ASPG: variants seen among roughly 807,000 people sequenced by gnomAD.
ASPG encodes asparaginase, also known as 60 kDa lysophospholipase.
In ASPG, 53 loss-of-function variants were observed where a neutral mutation model predicts 63.2. That is an observed-to-expected ratio of 0.84 (90% CI 0.67 to 1.05). The LOEUF (loss-of-function observed/expected upper bound fraction) is 1.05, where lower values mean the gene tolerates loss of function less well. Ranked by LOEUF, ASPG falls within the 50% of genes least tolerant of loss-of-function variation. The pLI is 0.00. For synonymous variants in ASPG, 370 were observed against 355.0 expected (o/e 1.04, Z -0.48); for missense variants, 741 against 794.4 (o/e 0.93, Z 0.81).
chr14:104,093,752 A>T (rs1596069877), intron 3 of ASPG, 150 bp downstream of exon 3: 5 of 53,396 alleles, frequency 9.4e-5, no homozygotes, highest in East Asian at 4.0e-4. Context: ...GGGAATGGGG[A>T]GTGTGGGTGG....
At chr14:104,106,718 G>T (rs1233745866) in intron 10 of ASPG, 81 bp from the exon 11 acceptor site, 11 of 1,268,192 alleles carry the variant, frequency 8.7e-6, no homozygotes, top group South Asian at 5.3e-5. Flanking sequence ...GCTGGCAGGG[G>T]TCATACAGCA....
intron 6 of ASPG, among the ~76,000 whole-genome samples, chr14:104,102,625 A>G (rs1330069498): frequency 2.0e-5 from 3 of 152,182 alleles, no homozygotes; most frequent in East Asian, 3.9e-4. Context: ...GGAGGCTGCC[A>G]TGAGTGTGGA....
Position 104,104,465 on chromosome 14 carries a change from C to T in ASPG, c.915C>T (p.Thr305=). ...NCTHCLQGAV[T]TDYAAGMAMA... ...CCCACTGCCTCCAGGGGGCTGTGAC[C>T]ACAGACTATGCAGCTGGCATGGTAG... The change falls in exon 8 of 16, where the codon ACC becomes ACT. Residue 305 remains threonine (T), a synonymous_variant. Coordinates refer to ENST00000551177, the MANE Select transcript of ASPG (RefSeq NM_001080464.3). 1 of 1,612,416 alleles carries T rather than the reference C, an allele frequency of 6.2e-7. No individual in the cohort carries two copies.
intron 13 of ASPG, chr14:104,111,279 A>G (rs752197025): frequency 1.4e-5 from 12 of 850,692 alleles, no homozygotes; most frequent in Non-Finnish European, 1.6e-5. Context: ...ATGTTTGCGC[A>G]TGTGTACCCG....
At chr14:104,092,283 C>T (rs1477564350) in intron 1 of ASPG, among the ~76,000 whole-genome samples, 3 of 152,142 alleles carry the variant, frequency 2.0e-5, no homozygotes, top group African/African-American at 7.2e-5. Context: ...AAGGCTGAGC[C>T]CCGTGGGCCT....
At chr14:104,103,450 C>T in intron 6 of ASPG, 113 bp from the exon 7 acceptor site, 1 of 922,738 alleles carries the variant, frequency 1.1e-6, no homozygotes, top group Non-Finnish European at 1.6e-6. Context: ...CGCGAAGGCT[C>T]AGGGCTCTGA....
In ASPG at chr14:104,091,094, GACCTCA is replaced by G. The variant is rs1209313987; in HGVS notation, c.83-1537_83-1532del. Among the ~76,000 whole-genome samples the G allele has an allele frequency of 6.6e-6, 1 of 151,862 alleles. No individual in the cohort carries two copies. Among genetic ancestry groups the G allele is most frequent in the Non-Finnish European group, 1.5e-5 (1 of 68,018 alleles). On this transcript the variant is annotated intron_variant, in intron 1 of 15. Coordinates refer to ENST00000551177, the MANE Select transcript of ASPG (RefSeq NM_001080464.3). This position sits in a 1 kb window ranked among gnomAD's most constrained non-coding sequence, Gnocchi z 6.4. The stretch of plus-strand genomic sequence containing the variant: ...TTGACCAGGCTGGTCTTGAATTCCA[GACCTCA>G]AGCAATCTGACACCTCGGCCACCCA...
chr14:104,112,423 C>G, intron 15 of ASPG, 101 bp from the exon 16 acceptor site: 1 of 770,410 alleles, frequency 1.3e-6, no homozygotes, highest in Non-Finnish European at 2.3e-6. Context: ...TTTGCTCAGG[C>G]TCTTGGGCTG....
Position 104,111,943 on chromosome 14 carries a change from A to G in ASPG, c.1644A>G (p.Ala548=). ...LHVAEAAGNL[A]VVAFLQSLEG... ...AGGCAGAGGCAGCCGGGAACCTGGC[A>G]GTGGTGGCCTTTCTACAGAGCCTGG... The change falls in exon 15 of 16, where the codon GCA becomes GCG. Residue 548 remains alanine, a synonymous_variant. Coordinates refer to ENST00000551177, the MANE Select transcript of ASPG (RefSeq NM_001080464.3). 1 of 1,556,914 alleles carries G rather than the reference A, an allele frequency of 6.4e-7. No homozygotes were observed. The highest frequency in any genetic ancestry group is 8.7e-7 in the Non-Finnish European group (1 of 1,150,040).
At position 104,110,127 on chromosome 14, in the gene ASPG, A is replaced by G; in HGVS notation, c.1520+812A>G. ...GACGACTCCGAGGGACCCAAAAAGG[A>G]GAGTCGGAGGCAGGAGACCTGGGCC... is the stretch of plus-strand genomic sequence containing the variant. On this transcript the variant is annotated intron_variant, in intron 13 of 15. Coordinates refer to ENST00000551177, the MANE Select transcript of ASPG (RefSeq NM_001080464.3). This position sits in a 1 kb window ranked among gnomAD's most constrained non-coding sequence, Gnocchi z 4.7. 1 of 985,098 alleles carries G rather than the reference A, an allele frequency of 1.0e-6. No individual in the cohort carries two copies. The highest frequency in any genetic ancestry group is 1.2e-6 in the Non-Finnish European group (1 of 829,858). The allele number at this position is 985,098 out of a possible 1,614,324, so 61.0% of individuals were successfully genotyped here.
chr14:104,097,723 C>T, intron 5 of ASPG, 86 bp downstream of exon 5: 1 of 1,299,748 alleles, frequency 7.7e-7, no homozygotes, highest in East Asian at 2.5e-5. Flanking sequence ...TCCCCCCAGC[C>T]CCTCCCCAGA....
rs2037334708 is a variant in ASPG at position 104,110,378 on chromosome 14, G to A, written c.1520+1063G>A. 11 of 985,386 alleles carry A rather than the reference G, an allele frequency of 1.1e-5. No individual in the cohort carries two copies. Among genetic ancestry groups the A allele is most frequent in the South Asian group, 4.7e-5 (1 of 21,284 alleles). The allele number at this position is 985,386 out of a possible 1,614,324, so 61.0% of individuals were successfully genotyped here. A position where few individuals can be genotyped will look rare whatever the true frequency, so the allele number is the denominator to read the frequency against. Reference sequence around the variant, plus strand: ...TCTTGCTTTTGAAGGGACTTCCGGGGTGACTTGGTCAAGATTTGCACTCCA... The same window carrying A: ...TCTTGCTTTTGAAGGGACTTCCGGGATGACTTGGTCAAGATTTGCACTCCA... On this transcript the variant is annotated intron_variant, in intron 13 of 15. Transcript: ENST00000551177. The surrounding 1 kb of genome is among the most constrained non-coding windows in gnomAD (Gnocchi z 4.7).
chr14:104,109,681 T>G lies in ASPG; in HGVS notation c.1520+366T>G, dbSNP rs1025715829. Among the ~76,000 whole-genome samples the G allele has an allele frequency of 9.6e-4, 36 of 37,306 alleles. No homozygotes were observed. Among genetic ancestry groups the G allele is most frequent in the Admixed American group, 2.0e-3 (5 of 2,530 alleles). The allele number at this position is 37,306 out of a possible 152,430, so 24.5% of individuals were successfully genotyped here. ...AGGGGCTGGGGTGTGGACTGGGGGG[T>G]GGCTGGGGCTGCATTTGGGGAGGTT... On this transcript the variant is annotated intron_variant, in intron 13 of 15. Transcript: ENST00000551177. This position sits in a 1 kb window ranked among gnomAD's most constrained non-coding sequence, Gnocchi z 4.8.
Position 104,111,945 on chromosome 14 carries a change from T to C in ASPG, c.1646T>C (p.Val549Ala), listed in dbSNP as rs1478388657. 1.3e-6 allele frequency: 2 copies of C among 1,557,004 alleles called. No individual in the cohort carries two copies. Among genetic ancestry groups the C allele is most frequent in the Non-Finnish European group, 1.7e-6 (2 of 1,150,210 alleles). The part of the protein sequence containing the change: ...HVAEAAGNLA[V>A]VAFLQSLEGA... ...GCAGAGGCAGCCGGGAACCTGGCAG[T>C]GGTGGCCTTTCTACAGAGCCTGGAG... The change falls in exon 15 of 16, where the codon GTG (valine) becomes GCG (alanine). Residue 549 changes from valine (V) to alanine (A), a missense_variant. Coordinates refer to ENST00000551177, the MANE Select transcript of ASPG (RefSeq NM_001080464.3).
At chr14:104,105,499 C>G in intron 10 of ASPG, 49 bp downstream of exon 10, 1 of 1,497,092 alleles carries the variant, frequency 6.7e-7, no homozygotes, top group Non-Finnish European at 8.9e-7. Context: ...ACTGTGCACC[C>G]TCTTGGTCAC....
In ASPG at chr14:104,104,750, G is replaced by A. The variant is rs762956123; in HGVS notation, c.1050+15G>A. 3.9e-5 allele frequency: 61 copies of A among 1,573,804 alleles called. No individual in the cohort carries two copies. The South Asian group carries it at 5.4e-4, about 14-fold the overall frequency. ...TCAGGAAGGAGGTGCGGGCGCTCTC[G>A]GGCTGTGGGCAACCCTCGGTGTGCA... is the stretch of plus-strand genomic sequence containing the variant. On this transcript the variant is annotated intron_variant, in intron 9 of 15. Transcript: ENST00000551177.
intron 4 of ASPG, among the ~76,000 whole-genome samples, chr14:104,096,035 G>A (rs2036582050): frequency 6.6e-6 from 1 of 152,194 alleles, no homozygotes; most frequent in Admixed American, 6.5e-5. Context: ...GCCGCACCAG[G>A]AGGCCCCGGC....
At chr14:104,107,799 T>A (rs1177778394) in intron 12 of ASPG, among the ~76,000 whole-genome samples, 1 of 152,096 alleles carries the variant, frequency 6.6e-6, no homozygotes, top group African/African-American at 2.4e-5. Context: ...AGAGACGGAG[T>A]GTGTGCCTGT....
chr14:104,105,089 C>T, intron 9 of ASPG: 1 of 626,462 alleles, frequency 1.6e-6, no homozygotes, highest in Non-Finnish European at 2.8e-6. Context: ...GGTTGCCAGC[C>T]TCTGGGGCTG....
Sources: allele counts gnomAD v4.1 joint callset (sites outside exome capture counted in the v4.1 genomes callset), GRCh38; gene constraint gnomAD v4.1.1; non-coding constraint Gnocchi (gnomAD v3.1); transcripts MANE v1.5; gene names NCBI Gene and HGNC (gene_info 2026-07-23, HGNC 2026-07-21).